PPFIBP1: variants seen among roughly 807,000 people sequenced by gnomAD.
PPFIBP1 encodes PPFIB scaffold protein 1.
A neutral mutation model predicts 137.8 loss-of-function variants in PPFIBP1; 112 were observed. The ratio of observed to expected loss-of-function variants is 0.81; its 90% CI spans 0.70 to 0.95. The LOEUF (loss-of-function observed/expected upper bound fraction) is 0.95, where lower values mean the gene tolerates loss of function less well. Ranked by LOEUF, PPFIBP1 falls within the 40% of genes least tolerant of loss-of-function variation. The pLI is 0.00. For missense variants in PPFIBP1, 1,083 were observed against 1,196.6 expected, an observed-to-expected ratio of 0.91 and a Z score of 1.40; for synonymous variants, 378 against 417.3, an observed-to-expected ratio of 0.91 and a Z score of 1.15.
At chr12:27,617,750 A>G (rs775809768) in intron 2 of PPFIBP1, among the ~76,000 whole-genome samples, 35 of 152,220 alleles carry the variant, frequency 2.3e-4, no homozygotes, top group South Asian at 2.1e-4. Context: ...TTAAATTCAT[A>G]GATATGAAAT....
At chr12:27,690,658 T>C (rs1264448439) in intron 27 of PPFIBP1, among the ~76,000 whole-genome samples, 1 of 152,228 alleles carries the variant, frequency 6.6e-6, no homozygotes, top group South Asian at 2.1e-4. Flanking sequence ...CCATAATCCA[T>C]GTATTGGCAA....
intron 1 of PPFIBP1, among the ~76,000 whole-genome samples, chr12:27,525,355 C>T (rs1943603648): frequency 6.6e-6 from 1 of 151,662 alleles, no homozygotes; most frequent in South Asian, 2.1e-4. Context: ...TGTTTATTTC[C>T]TATTTCAAAC....
At chr12:27,691,712 A>G (rs2061557924) in intron 27 of PPFIBP1, 37 bp from the exon 28 acceptor site, 3 of 1,564,036 alleles carry the variant, frequency 1.9e-6, no homozygotes, top group Non-Finnish European at 2.6e-6. Context: ...AATTTTATCA[A>G]ATCCTTTGGA....
At chr12:27,611,686 T>C (rs1192620495) in intron 2 of PPFIBP1, among the ~76,000 whole-genome samples, 1 of 152,250 alleles carries the variant, frequency 6.6e-6, no homozygotes, top group African/African-American at 2.4e-5. Context: ...TAATTGTCTA[T>C]AAACTGAACC....
intron 10 of PPFIBP1, 92 bp from the exon 11 acceptor site, chr12:27,660,792 A>G (rs1317889265): frequency 2.7e-6 from 4 of 1,503,338 alleles, no homozygotes; most frequent in Non-Finnish European, 3.6e-6. Flanking sequence ...TAACATCTTT[A>G]CCTTAAAATA....
intron 1 of PPFIBP1, among the ~76,000 whole-genome samples, chr12:27,557,799 T>C (rs2048825703): frequency 6.6e-6 from 1 of 152,182 alleles, no homozygotes; most frequent in African/African-American, 2.4e-5. Context: ...GGGTTTTATA[T>C]GAAAAATGAG....
chr12:27,680,141 A>T (rs1260447675), intron 21 of PPFIBP1, 80 bp downstream of exon 21: 1 of 1,537,388 alleles, frequency 6.5e-7, no homozygotes, highest in Non-Finnish European at 8.8e-7. Flanking sequence ...TAGTACTGTC[A>T]TTGGGTTAAA....
intron 11 of PPFIBP1, among the ~76,000 whole-genome samples, chr12:27,663,706 G>T (rs2059685243): frequency 6.6e-6 from 1 of 152,072 alleles, no homozygotes; most frequent in African/African-American, 2.4e-5. Context: ...TGGGCATAGT[G>T]GTGCATGCGT....
intron 2 of PPFIBP1, among the ~76,000 whole-genome samples, chr12:27,595,887 ATATATATATAT>A (rs371437826): frequency 0.057 from 5,553 of 96,702 alleles, 144 homozygotes; most frequent in South Asian, 0.13. Flanking sequence ...CAACAACAAA[ATATATATATAT>A]ATATATATAT....
At chr12:27,663,530 A>T (rs2059675719) in intron 11 of PPFIBP1, among the ~76,000 whole-genome samples, 1 of 151,976 alleles carries the variant, frequency 6.6e-6, no homozygotes, top group Non-Finnish European at 1.5e-5. Context: ...GTCAAGTGCC[A>T]TATGGAGGTC....
chr12:27,577,545 T>C (rs2050676313), intron 1 of PPFIBP1, among the ~76,000 whole-genome samples: 3 of 152,240 alleles, frequency 2.0e-5, no homozygotes, highest in African/African-American at 7.2e-5. Flanking sequence ...TTAAATATTC[T>C]TTTAGTACCA....
At chr12:27,688,223 T>C (rs975469969) in intron 25 of PPFIBP1, 75 bp from the exon 26 acceptor site, 15 of 1,495,982 alleles carry the variant, frequency 1.0e-5, no homozygotes, top group Non-Finnish European at 1.3e-5. Context: ...GTTGAGTAAC[T>C]GTACTCCATG....
intron 21 of PPFIBP1, among the ~76,000 whole-genome samples, chr12:27,680,588 C>G (rs1250724420): frequency 6.6e-6 from 1 of 152,118 alleles, no homozygotes; most frequent in Non-Finnish European, 1.5e-5. Flanking sequence ...AATAACTACT[C>G]AAGAAACATT....
chr12:27,582,032 T>A (rs1448154681), intron 2 of PPFIBP1, among the ~76,000 whole-genome samples: 1 of 151,978 alleles, frequency 6.6e-6, no homozygotes, highest in Non-Finnish European at 1.5e-5. Context: ...AGCTATTTGC[T>A]CATCTTGTCA....
At position 27,650,073 on chromosome 12, in the gene PPFIBP1, T is replaced by A. The variant is rs780887729; in HGVS notation, c.535T>A (p.Leu179Met). Residue 179 changes from leucine (L) to methionine (M), a missense_variant, in exon 7 of 30, where the codon TTG becomes ATG. By Grantham distance (15) the Leu-to-Met change is conservative (BLOSUM62 2). Transcript: ENST00000228425. ...GGATCTGATGGCTGAAATATCTAAC[T>A]TGAAGTTGAAACTGACAGCTGTAGA... is the stretch of plus-strand genomic sequence containing the variant. ...KLDLMAEISN[L>M]KLKLTAVEKD... 16 of 1,606,676 alleles carry A rather than the reference T, an allele frequency of 1.0e-5. No individual in the cohort carries two copies. In the South Asian group the frequency reaches 1.6e-4, roughly 17 times the overall value.
chr12:27,595,886 AAT>A (rs201970397), intron 2 of PPFIBP1, among the ~76,000 whole-genome samples: 1,239 of 102,254 alleles, frequency 0.012, 13 homozygotes, highest in Non-Finnish European at 0.017. Context: ...ACAACAACAA[AAT>A]ATATATATAT....
In PPFIBP1 at chr12:27,689,187, C is replaced by T; in HGVS notation, c.2669C>T (p.Ala890Val). ...MELPDYVLLTATAKVKPKKLA... is the reference protein window; with the variant it reads ...MELPDYVLLTVTAKVKPKKLA... ...CTGCCGGATTATGTACTTCTAACAG[C>T]TACTGCCAAAGTGAAGGTTGGTTCA... The change falls in exon 27 of 30, where the codon GCT becomes GTT. Residue 890 changes from alanine to valine, a missense_variant. By Grantham distance (64) the Ala-to-Val change is moderately conservative. Transcript: ENST00000228425. The T allele has an allele frequency of 6.4e-7, 1 of 1,570,030 alleles. No individual in the cohort carries two copies. Among genetic ancestry groups the T allele is most frequent in the Non-Finnish European group, 8.6e-7 (1 of 1,164,640 alleles).
At chr12:27,599,267 T>G in intron 2 of PPFIBP1, 1 of 241,872 alleles carries the variant, frequency 4.1e-6, no homozygotes, top group Non-Finnish European at 8.4e-6. Flanking sequence ...TGGGTGGACA[T>G]CATCCTATCC....
At position 27,533,624 on chromosome 12, in the gene PPFIBP1, A is replaced by T. The variant is rs756122026; in HGVS notation, c.-124+9259A>T. ...GTTAGTTGACATTATTCATATGAAG[A>T]TGTTAAGCAAGAATTTAGAAATTTA... is the stretch of plus-strand genomic sequence containing the variant. On this transcript the variant is annotated intron_variant, in intron 1 of 29. Coordinates refer to ENST00000228425, the MANE Select transcript of PPFIBP1 (RefSeq NM_003622.4). 2.0e-5 allele frequency among the ~76,000 whole-genome samples: 3 copies of T among 152,212 alleles called. No individual in the cohort carries two copies. In the South Asian group the frequency reaches 6.2e-4, roughly 31 times the overall value.
Sources: gnomAD v4.1 joint callset for allele counts (sites outside exome capture counted in the v4.1 genomes callset) on GRCh38, gnomAD v4.1.1 for gene constraint, MANE v1.5 for transcripts, NCBI Gene and HGNC (gene_info 2026-07-23, HGNC 2026-07-21) for gene names.